Variants in COXFA4 observed in about 807,000 individuals in gnomAD.
COXFA4 encodes the protein cytochrome c oxidase subunit FA4.
At chr7:10,933,364 A>G in the COXFA4 span, 2 of 405,660 alleles carry the variant, frequency 4.9e-6, no homozygotes, top group Admixed American at 4.1e-5. Context: ...TTTTCAAACT[A>G]CAGAAATTCA....
At chr7:10,937,632 C>T in the COXFA4 span, among the ~76,000 whole-genome samples, 1 of 152,090 alleles carries the variant, frequency 6.6e-6, no homozygotes, top group Non-Finnish European at 1.5e-5. Context: ...AAATTTTTTA[C>T]ACATAAGGAA....
the COXFA4 span, among the ~76,000 whole-genome samples, chr7:10,935,073 C>A: frequency 1.3e-5 from 2 of 152,206 alleles, no homozygotes; most frequent in African/African-American, 2.4e-5. Context: ...ATCACAATAA[C>A]CCTTCTGATT....
chr7:10,935,008 G>C, the COXFA4 span, among the ~76,000 whole-genome samples: 3 of 152,236 alleles, frequency 2.0e-5, no homozygotes, highest in Non-Finnish European at 4.4e-5. Flanking sequence ...ATAAACACTT[G>C]TTGGGCTCCT....
At chr7:10,939,665 A>AC in the COXFA4 span, 3 of 358,442 alleles carry the variant, frequency 8.4e-6, no homozygotes, top group Non-Finnish European at 1.6e-5. Flanking sequence ...AGGGAACCTG[A>AC]CCTATGCTAG....
the COXFA4 span, chr7:10,933,793 C>T: frequency 5.0e-6 from 4 of 792,588 alleles, no homozygotes; most frequent in African/African-American, 5.2e-5. Context: ...GTAACAATTA[C>T]AGATATGAAT....
the COXFA4 span, chr7:10,933,795 G>C: frequency 5.2e-6 from 4 of 776,378 alleles, no homozygotes; most frequent in Non-Finnish European, 8.5e-6. Context: ...AACAATTACA[G>C]ATATGAATTT....
At chr7:10,932,276 G>A in the COXFA4 span, 2 of 152,174 alleles carry the variant, frequency 1.3e-5, no homozygotes, top group East Asian at 1.9e-4. Flanking sequence ...GCAAGGTTGA[G>A]AAACCCTGTT....
chr7:10,936,786 C>A, the COXFA4 span, among the ~76,000 whole-genome samples: 1 of 152,058 alleles, frequency 6.6e-6, no homozygotes, highest in African/African-American at 2.4e-5. Context: ...TCTGTAATAC[C>A]AGCACTGGGG....
the COXFA4 span, among the ~76,000 whole-genome samples, chr7:10,937,245 T>C: frequency 6.8e-6 from 1 of 147,202 alleles, no homozygotes; most frequent in Non-Finnish European, 1.5e-5. Flanking sequence ...CTGTATGGTA[T>C]GTGAATGGTA....
the COXFA4 span, chr7:10,938,816 T>C: frequency 6.2e-7 from 1 of 1,613,044 alleles, no homozygotes. Context: ...ACCAAACATC[T>C]GGATTGAACA....
At chr7:10,937,408 G>A in the COXFA4 span, among the ~76,000 whole-genome samples, 9 of 151,626 alleles carry the variant, frequency 5.9e-5, no homozygotes, top group South Asian at 4.2e-4. Flanking sequence ...TCAGCCTCCC[G>A]AGCAGCTGTG....
At chr7:10,938,832 A>G in the COXFA4 span, 1 of 1,613,758 alleles carries the variant, frequency 6.2e-7, no homozygotes, top group Non-Finnish European at 8.5e-7. Context: ...GAACAATGCC[A>G]GACGCAAGAG....
the COXFA4 span, chr7:10,932,982 A>C: frequency 6.6e-6 from 1 of 152,506 alleles, no homozygotes; most frequent in Non-Finnish European, 1.5e-5. Flanking sequence ...AAAAAAGAAA[A>C]AAGAAAAGAA....
the COXFA4 span, among the ~76,000 whole-genome samples, chr7:10,934,633 T>C: frequency 6.6e-6 from 1 of 152,196 alleles, no homozygotes; most frequent in Admixed American, 6.5e-5. Flanking sequence ...TTTTTAAGCA[T>C]GAAGTTCACA....
chr7:10,938,278 G>A, the COXFA4 span: 1 of 779,198 alleles, frequency 1.3e-6, no homozygotes, highest in Non-Finnish European at 2.1e-6. Context: ...TCATTATGAA[G>A]TTGAAACAGG....
the COXFA4 span, among the ~76,000 whole-genome samples, chr7:10,935,278 C>G: frequency 6.6e-6 from 1 of 152,196 alleles, no homozygotes; most frequent in Non-Finnish European, 1.5e-5. Flanking sequence ...TTCCCTACCT[C>G]TATTCTTTTT....
At chr7:10,934,376 T>TA in the COXFA4 span, among the ~76,000 whole-genome samples, 6,290 of 126,922 alleles carry the variant, frequency 0.05, 308 homozygotes, top group African/African-American at 0.13. Context: ...GTGATTGCTT[T>TA]AAAAAAAAAA....
the COXFA4 span, chr7:10,933,306 G>A: frequency 3.5e-6 from 1 of 283,456 alleles, no homozygotes; most frequent in South Asian, 4.2e-5. Flanking sequence ...GTTACCAACA[G>A]TCTATACACA....
At chr7:10,932,114 G>A in the COXFA4 span, 6 of 152,156 alleles carry the variant, frequency 3.9e-5, no homozygotes, top group East Asian at 1.2e-3. Flanking sequence ...TGGACATTTG[G>A]TAATGTCTCC....
Sources: gnomAD v4.1 joint callset for allele counts (sites outside exome capture counted in the v4.1 genomes callset) on GRCh38, gnomAD v4.1.1 for gene constraint, MANE v1.5 for transcripts, NCBI Gene and HGNC (gene_info 2026-07-23, HGNC 2026-07-21) for gene names.